Variants in ACSF2 observed in about 807,000 individuals in gnomAD.
ACSF2 encodes medium-chain acyl-CoA ligase ACSF2, mitochondrial.
A neutral mutation model predicts 79.3 loss-of-function variants in ACSF2; 52 were observed. The observed-to-expected ratio is 0.66, with a 90% CI of 0.53 to 0.83. The LOEUF (loss-of-function observed/expected upper bound fraction) is 0.83. ACSF2 is among the 40% of genes least tolerant of loss of function. The pLI is 0.00. For missense variants in ACSF2, 661 were observed against 803.3 expected, an observed-to-expected ratio of 0.82 and a Z score of 2.14; for synonymous variants, 283 against 312.6, an observed-to-expected ratio of 0.91 and a Z score of 1.00.
chr17:50,429,482 T>G (rs906255649), intron 1 of ACSF2, among the ~76,000 whole-genome samples: 20 of 152,000 alleles, frequency 1.3e-4, no homozygotes, highest in African/African-American at 4.8e-4. Flanking sequence ...CGTCCTCCTC[T>G]CCGTTTGACG....
chr17:50,460,914 C>G, intron 2 of ACSF2, 42 bp downstream of exon 2: 1 of 1,571,630 alleles, frequency 6.4e-7, no homozygotes, highest in South Asian at 1.2e-5. Flanking sequence ...CAAGTACTAG[C>G]TCCCAAGCTG....
chr17:50,452,685 A>T (rs1196316245), intron 1 of ACSF2, among the ~76,000 whole-genome samples: 1 of 152,116 alleles, frequency 6.6e-6, no homozygotes, highest in Non-Finnish European at 1.5e-5. Flanking sequence ...AATAAAGTTA[A>T]AAAAAAGAAA....
Position 50,471,355 on chromosome 17 carries a change from G to A in ACSF2, c.1323+220G>A, listed in dbSNP as rs908979710. On this transcript the variant is annotated intron_variant, in intron 11 of 15. Transcript: ENST00000300441. This position sits in a 1 kb window ranked among gnomAD's most constrained non-coding sequence, Gnocchi z 4.1. Reference sequence around the variant, plus strand: ...GAACAGTGGCTGTGAGCGGCTGCCAGCTGAACTTCTCCGCGGCCTCCCTTC... The same window carrying A: ...GAACAGTGGCTGTGAGCGGCTGCCAACTGAACTTCTCCGCGGCCTCCCTTC... The A allele has an allele frequency of 1.8e-6, 1 of 544,252 alleles. No homozygotes were observed. The highest frequency in any genetic ancestry group is 3.3e-6 in the Non-Finnish European group (1 of 301,304). The allele number at this position is 544,252 out of a possible 1,614,324, so 33.7% of individuals were successfully genotyped here.
At position 50,463,291 on chromosome 17, in the gene ACSF2, G is replaced by T; in HGVS notation, c.888+40G>T. On this transcript the variant is annotated intron_variant, in intron 7 of 15. Coordinates refer to ENST00000300441, the MANE Select transcript of ACSF2 (RefSeq NM_025149.6). The surrounding 1 kb of genome is among the most constrained non-coding windows in gnomAD (Gnocchi z 4.6). ...GGCCCAGGGCAAGGCTGCAGGAGGG[G>T]TGGCTCAGGCAGGGGTGGGGGGCTG... 6.2e-7 allele frequency: 1 copy of T among 1,612,924 alleles called. No individual in the cohort carries two copies. The highest frequency in any genetic ancestry group is 8.5e-7 in the Non-Finnish European group (1 of 1,179,254).
At chr17:50,439,232 C>CCTTTTTTTTTTTTTTTTTTT (rs1296228793) in intron 1 of ACSF2, among the ~76,000 whole-genome samples, 2 of 96,462 alleles carry the variant, frequency 2.1e-5, no homozygotes, top group Non-Finnish European at 3.9e-5. Context: ...TACCACACAG[C>CCTTTTTTTTTTTTTTTTTTT]TTTTTTTTTT....
intron 10 of ACSF2, chr17:50,467,945 TG>T: frequency 7.4e-7 from 1 of 1,345,326 alleles, no homozygotes; most frequent in South Asian, 1.5e-5. Flanking sequence ...ACAGGGAACC[TG>T]GGGACGGGGG....
chr17:50,465,807 A>G lies in ACSF2; in HGVS notation c.1215+1513A>G, dbSNP rs34459629. 1,159 of 1,613,836 alleles carry G rather than the reference A, an allele frequency of 7.2e-4. 10 individuals are homozygous for G. In the African/African-American group the frequency reaches 0.014, roughly 20 times the overall value. ...GGGAAGTTGGAGGGTAGCTGGTTCA[A>G]GCGGTTGTTCTCCAAATGGACGTGT... On this transcript the variant is annotated intron_variant, in intron 10 of 15. Coordinates refer to ENST00000300441, the MANE Select transcript of ACSF2 (RefSeq NM_025149.6).
intron 10 of ACSF2, chr17:50,465,489 G>T: frequency 6.2e-7 from 1 of 1,605,416 alleles, no homozygotes; most frequent in Non-Finnish European, 8.5e-7. Flanking sequence ...GGGAGTGCTG[G>T]GGGGAAGGGC....
intron 1 of ACSF2, among the ~76,000 whole-genome samples, chr17:50,445,854 C>T (rs564189712): frequency 6.6e-6 from 1 of 151,916 alleles, no homozygotes; most frequent in African/African-American, 2.4e-5. Flanking sequence ...CTTGCTGGAG[C>T]CTTGCATTCA....
chr17:50,463,500 G>C lies in ACSF2; in HGVS notation c.994G>C (p.Ala332Pro), dbSNP rs1258056008. 1 of 1,614,038 alleles carries C rather than the reference G, an allele frequency of 6.2e-7. No individual in the cohort carries two copies. The highest frequency in any genetic ancestry group is 8.5e-7 in the Non-Finnish European group (1 of 1,180,034). The change falls in exon 8 of 16, where the codon GCC becomes CCC. Residue 332 changes from alanine (A) to proline (P), a missense_variant. By Grantham distance (27) the Ala-to-Pro change is conservative (BLOSUM62 -1). Transcript: ENST00000300441. The surrounding 1 kb of genome is among the most constrained non-coding windows in gnomAD (Gnocchi z 4.6). ...GATGTACGGTGCCACCCTCATCCTG[G>C]CCTCTCCCATCTTCAATGGCAAGAA... ...CLMYGATLIL[A>P]SPIFNGKKAL... is the part of the protein sequence containing the mutation.
intron 10 of ACSF2, chr17:50,468,423 C>A (rs746898951): frequency 1.2e-6 from 2 of 1,614,004 alleles, no homozygotes; most frequent in Non-Finnish European, 1.7e-6. Context: ...TTGTTGTGGT[C>A]CAGGTAGAGG....
intron 10 of ACSF2, chr17:50,468,478 G>A: frequency 6.2e-7 from 1 of 1,614,264 alleles, no homozygotes. Context: ...CGCGCAGCAC[G>A]CGGATGTCGT....
In ACSF2 at chr17:50,468,190, G is replaced by A; in HGVS notation, c.1216-2838G>A. 1.9e-6 allele frequency: 3 copies of A among 1,614,068 alleles called. No individual in the cohort carries two copies. The East Asian group carries it at 6.7e-5, about 36-fold the overall frequency. On this transcript the variant is annotated intron_variant, in intron 10 of 15. Coordinates refer to ENST00000300441, the MANE Select transcript of ACSF2 (RefSeq NM_025149.6). ...TGCTCAGGGCAGCTGAGGGGTAGCT[G>A]GACAGCTGGTTCCTGTCCACGTGGA...
intron 1 of ACSF2, among the ~76,000 whole-genome samples, chr17:50,441,226 G>A (rs985526766): frequency 1.3e-5 from 2 of 152,256 alleles, no homozygotes; most frequent in South Asian, 4.1e-4. Context: ...AGGCTGTGCA[G>A]TGGCACGATG....
intron 10 of ACSF2, among the ~76,000 whole-genome samples, chr17:50,469,445 C>T (rs1023900141): frequency 3.9e-5 from 6 of 152,160 alleles, no homozygotes; most frequent in African/African-American, 1.4e-4. Flanking sequence ...CTCGACGCGC[C>T]GAAGCTGGCC....
At chr17:50,427,816 C>T (rs1309708219) in intron 1 of ACSF2, among the ~76,000 whole-genome samples, 1 of 152,128 alleles carries the variant, frequency 6.6e-6, no homozygotes. Context: ...CAAAACAGGT[C>T]ACTTACCTGC....
chr17:50,438,048 C>G (rs1252944249), intron 1 of ACSF2, among the ~76,000 whole-genome samples: 1 of 152,170 alleles, frequency 6.6e-6, no homozygotes, highest in Non-Finnish European at 1.5e-5. Context: ...TAGCATGTCT[C>G]TGAATCCATA....
chr17:50,439,897 A>T (rs1423101569), intron 1 of ACSF2, among the ~76,000 whole-genome samples: 1 of 152,200 alleles, frequency 6.6e-6, no homozygotes, highest in African/African-American at 2.4e-5. Context: ...GAGATTGGGC[A>T]TCTTTTAAAA....
At chr17:50,456,852 G>T (rs2032041433) in intron 1 of ACSF2, among the ~76,000 whole-genome samples, 2 of 152,148 alleles carry the variant, frequency 1.3e-5, no homozygotes, top group Non-Finnish European at 2.9e-5. Flanking sequence ...TTGAGCCCAG[G>T]AGTTCGAGAC....
Sources: allele counts gnomAD v4.1 joint callset (sites outside exome capture counted in the v4.1 genomes callset), GRCh38; gene constraint gnomAD v4.1.1; non-coding constraint Gnocchi (gnomAD v3.1); transcripts MANE v1.5; gene names NCBI Gene and HGNC (gene_info 2026-07-23, HGNC 2026-07-21).